Variants in MARCHF10 observed in about 807,000 individuals in gnomAD.
The protein encoded by MARCHF10 is membrane associated ring-CH-type finger 10, also known as probable E3 ubiquitin-protein ligase MARCHF10.
In MARCHF10, 64 loss-of-function variants were observed where a neutral mutation model predicts 76.2. The observed-to-expected ratio is 0.84, with a 90% CI of 0.69 to 1.03. The LOEUF (loss-of-function observed/expected upper bound fraction) is 1.03, where lower values mean the gene tolerates loss of function less well. Among genes scored for constraint, MARCHF10 ranks in the 50% least tolerant of loss-of-function variants. The probability of loss-of-function intolerance (pLI) is 0.00; values close to 1 mark genes in which losing one functional copy is unlikely to be tolerated. For synonymous variants in MARCHF10, 340 were observed against 357.5 expected, an observed-to-expected ratio of 0.95 and a Z score of 0.55; for missense variants, 875 against 958.0, an observed-to-expected ratio of 0.91 and a Z score of 1.14.
Position 62,735,999 on chromosome 17 carries a change from A to AC in MARCHF10, c.1868dup (p.Thr625HisfsTer3), listed in dbSNP as rs780208648. ...TACTGGTTTCCTTTTCATCTGTGAA[A>AC]CCAGAGGCTGCCATCCTGCTCCCAT... On this transcript the variant is annotated frameshift_variant, in exon 6 of 11. Coordinates refer to ENST00000311269, the MANE Select transcript of MARCHF10 (RefSeq NM_152598.4). LOFTEE classifies it high-confidence loss of function. 6.2e-7 allele frequency: 1 copy of AC among 1,614,028 alleles called. No homozygotes were observed. Among genetic ancestry groups the AC allele is most frequent in the East Asian group, 2.2e-5 (1 of 44,886 alleles).
intron 3 of MARCHF10, among the ~76,000 whole-genome samples, chr17:62,766,371 A>C (rs1006480113): frequency 2.6e-5 from 4 of 151,076 alleles, no homozygotes; most frequent in Non-Finnish European, 4.4e-5. Context: ...ATGGTGGTGC[A>C]TGCCTGTAAT....
At chr17:62,724,840 G>A in intron 7 of MARCHF10, 98 bp downstream of exon 7, 1 of 1,326,156 alleles carries the variant, frequency 7.5e-7, no homozygotes, top group South Asian at 1.3e-5. Flanking sequence ...GTTCTGCGGA[G>A]GAGAGTGAGC....
chr17:62,737,052 T>G lies in MARCHF10; in HGVS notation c.816A>C (p.Arg272=), dbSNP rs1471516180. ...GGPRKASFRF[R]DEDFYSILSL... Reference sequence around the variant, plus strand: ...ACAAAATGGAATAAAAGTCTTCATCTCGGAACCTAAATGATGCCTTTCTTG... The same window carrying G: ...ACAAAATGGAATAAAAGTCTTCATCGCGGAACCTAAATGATGCCTTTCTTG... Residue 272 remains arginine, a synonymous_variant, in exon 6 of 11, where the codon CGA becomes CGC. Coordinates refer to ENST00000311269, the MANE Select transcript of MARCHF10 (RefSeq NM_152598.4). 6.8e-6 allele frequency: 11 copies of G among 1,614,018 alleles called. No individual in the cohort carries two copies. Among genetic ancestry groups the G allele is most frequent in the Non-Finnish European group, 8.5e-6 (10 of 1,180,044 alleles).
chr17:62,782,595 T>A (rs1221520257), intron 3 of MARCHF10, among the ~76,000 whole-genome samples: 3 of 152,050 alleles, frequency 2.0e-5, no homozygotes, highest in African/African-American at 7.2e-5. Context: ...ATCGCCGGCC[T>A]TGGACTCCCA....
intron 4 of MARCHF10, among the ~76,000 whole-genome samples, chr17:62,758,380 C>A (rs1180843409): frequency 1.3e-5 from 2 of 151,924 alleles, no homozygotes; most frequent in Admixed American, 1.3e-4. Flanking sequence ...ACAACAACAA[C>A]AAAAAACAAA....
chr17:62,701,350 G>A lies in MARCHF10; in HGVS notation c.*353C>T. 3.0e-6 allele frequency: 1 copy of A among 328,468 alleles called. No homozygotes were observed. Among genetic ancestry groups the A allele is most frequent in the South Asian group, 4.5e-5 (1 of 22,400 alleles). The allele number at this position is 328,468 out of a possible 1,614,324, so 20.3% of individuals were successfully genotyped here. A position where few individuals can be genotyped will look rare whatever the true frequency, so the allele number is the denominator to read the frequency against. On this transcript the variant is annotated 3_prime_UTR_variant, in exon 11 of 11. Coordinates refer to ENST00000311269, the MANE Select transcript of MARCHF10 (RefSeq NM_152598.4). ...TGTCAGTTTACTGAATGAATACATG[G>A]CTCGAGTCCATTCAGGGTGGAGTGA...
At chr17:62,757,582 G>T (rs1255496883) in intron 4 of MARCHF10, among the ~76,000 whole-genome samples, 7 of 152,140 alleles carry the variant, frequency 4.6e-5, no homozygotes, top group East Asian at 3.9e-4. Flanking sequence ...TTAACACATC[G>T]ATGCTTTGTT....
At chr17:62,762,880 G>A (rs963631666) in intron 3 of MARCHF10, among the ~76,000 whole-genome samples, 2 of 152,186 alleles carry the variant, frequency 1.3e-5, no homozygotes, top group Non-Finnish European at 2.9e-5. Flanking sequence ...GTATCACGCA[G>A]GGAGGATCGT....
At chr17:62,776,346 T>C (rs1235930697) in intron 3 of MARCHF10, among the ~76,000 whole-genome samples, 5 of 152,198 alleles carry the variant, frequency 3.3e-5, no homozygotes, top group African/African-American at 7.2e-5. Context: ...TTGGTGCTTC[T>C]ATCAACCCGG....
intron 1 of MARCHF10, among the ~76,000 whole-genome samples, chr17:62,806,900 G>A (rs2093172851): frequency 6.6e-6 from 1 of 152,124 alleles, no homozygotes; most frequent in Admixed American, 6.6e-5. Flanking sequence ...AACAATCAAA[G>A]TCTTATTGGT....
chr17:62,718,488 G>T (rs1051401806), intron 8 of MARCHF10, among the ~76,000 whole-genome samples: 6 of 152,222 alleles, frequency 3.9e-5, no homozygotes, highest in African/African-American at 1.4e-4. Context: ...GCATTCCCCT[G>T]GGCTGCACGG....
At chr17:62,706,003 T>C (rs2089566025) in intron 9 of MARCHF10, among the ~76,000 whole-genome samples, 1 of 152,194 alleles carries the variant, frequency 6.6e-6, no homozygotes, top group Non-Finnish European at 1.5e-5. Flanking sequence ...AGCAGACCCA[T>C]CAAGGCCCTG....
At chr17:62,766,901 G>A (rs960640248) in intron 3 of MARCHF10, among the ~76,000 whole-genome samples, 7 of 152,198 alleles carry the variant, frequency 4.6e-5, no homozygotes, top group Admixed American at 1.3e-4. Context: ...CAAGGGATAC[G>A]TTCTGTTGCA....
Position 62,701,537 on chromosome 17 carries a change from G to C in MARCHF10, c.*166C>G, listed in dbSNP as rs2089233146. The C allele has an allele frequency of 1.4e-6, 2 of 1,477,286 alleles. No individual in the cohort carries two copies. Among genetic ancestry groups the C allele is most frequent in the African/African-American group, 2.8e-5 (2 of 71,898 alleles). The allele number at this position is 1,477,286 out of a possible 1,614,324, so 91.5% of individuals were successfully genotyped here. A position where few individuals can be genotyped will look rare whatever the true frequency, so the allele number is the denominator to read the frequency against. On this transcript the variant is annotated 3_prime_UTR_variant, in exon 11 of 11. Coordinates refer to ENST00000311269, the MANE Select transcript of MARCHF10 (RefSeq NM_152598.4). ...AGACTGGTCGCTGTGGCTGCCCATA[G>C]ATGCTCAAGCCAGACCCCAAAAGAG...
At chr17:62,753,378 A>G (rs930695764) in intron 4 of MARCHF10, among the ~76,000 whole-genome samples, 4 of 152,188 alleles carry the variant, frequency 2.6e-5, no homozygotes, top group African/African-American at 9.6e-5. Context: ...AAGCGCTGGG[A>G]TTACAGGCGT....
At chr17:62,742,884 C>A (rs943364859) in intron 5 of MARCHF10, among the ~76,000 whole-genome samples, 2 of 152,082 alleles carry the variant, frequency 1.3e-5, no homozygotes, top group East Asian at 3.9e-4. Context: ...TCTTCCACCT[C>A]CGCCTCCTAT....
At chr17:62,735,738 C>G (rs1174555015) in intron 6 of MARCHF10, 193 bp downstream of exon 6, 1 of 583,672 alleles carries the variant, frequency 1.7e-6, no homozygotes, top group Non-Finnish European at 2.9e-6. Context: ...ATCAGGAACA[C>G]CAGACTTTTC....
At chr17:62,797,350 G>C (rs973043742) in intron 2 of MARCHF10, among the ~76,000 whole-genome samples, 2 of 152,074 alleles carry the variant, frequency 1.3e-5, no homozygotes, top group African/African-American at 4.8e-5. Flanking sequence ...GATTACAGGT[G>C]CCTGACACCA....
rs1021165942 is a variant in MARCHF10, at chr17:62,738,944, C to T, written c.536-1612G>A. ...GCGAGGCCACTCCAGACTGGGCCGA[C>T]CCCCATTTTGGGAACAAATGCTTCT... is the stretch of plus-strand genomic sequence containing the variant. On this transcript the variant is annotated intron_variant, in intron 5 of 10. Transcript: ENST00000311269. This position sits in a 1 kb window ranked among gnomAD's most constrained non-coding sequence, Gnocchi z 4.0. Among the ~76,000 whole-genome samples, 7 of 152,160 alleles carry T rather than the reference C, an allele frequency of 4.6e-5. No individual in the cohort carries two copies. Among genetic ancestry groups the T allele is most frequent in the Non-Finnish European group, 1.0e-4 (7 of 68,006 alleles).
Sources: allele counts gnomAD v4.1 joint callset (sites outside exome capture counted in the v4.1 genomes callset), GRCh38; gene constraint gnomAD v4.1.1; non-coding constraint Gnocchi (gnomAD v3.1); transcripts MANE v1.5; gene names NCBI Gene and HGNC (gene_info 2026-07-23, HGNC 2026-07-21).